Variants in ANAPC5 observed in about 807,000 individuals in gnomAD.
The protein encoded by ANAPC5 is anaphase-promoting complex subunit 5.
In ANAPC5, 60 loss-of-function variants were observed where a neutral mutation model predicts 91.3. That is an observed-to-expected ratio of 0.66 (90% CI 0.53 to 0.81). ANAPC5 has a LOEUF of 0.81. Among genes scored for constraint, ANAPC5 ranks in the 40% least tolerant of loss-of-function variants. The pLI is 0.00. For missense variants in ANAPC5, 690 were observed against 931.5 expected (o/e 0.74, Z 3.37); for synonymous variants, 340 against 364.1 (o/e 0.93, Z 0.75).
chr12:121,317,091 G>A (rs897378631), intron 15 of ANAPC5, among the ~76,000 whole-genome samples: 10 of 152,036 alleles, frequency 6.6e-5, no homozygotes, highest in African/African-American at 2.4e-4. Flanking sequence ...GGGGAAGGGA[G>A]GACTGGGGAA....
At chr12:121,341,302 T>C (rs537686223) in intron 5 of ANAPC5, among the ~76,000 whole-genome samples, 36 of 152,292 alleles carry the variant, frequency 2.4e-4, no homozygotes, top group African/African-American at 8.2e-4. Flanking sequence ...AAACCCCATC[T>C]CTACTAAAGA....
In ANAPC5 at chr12:121,319,765, G is replaced by A; in HGVS notation, c.1569C>T (p.Gly523=). 6.2e-7 allele frequency: 1 copy of A among 1,612,220 alleles called. No individual in the cohort carries two copies. Among genetic ancestry groups the A allele is most frequent in the East Asian group, 2.2e-5 (1 of 44,746 alleles). ...CAAGTGAATCAGCCAAATGATATTT[G>A]CCATCATTCATTGCTCTGTCAAACT... ...KIQFDRAMND[G]KYHLADSLVT... is the part of the protein sequence containing the mutation. The change falls in exon 13 of 17, where the codon GGC becomes GGT. Residue 523 remains glycine (G), a synonymous_variant. Transcript: ENST00000261819.
chr12:121,332,277 G>A (rs1220039602), intron 7 of ANAPC5: 1 of 152,198 alleles, frequency 6.6e-6, no homozygotes. Flanking sequence ...GCTAGTTTTA[G>A]AAAGTATTTT....
chr12:121,337,219 A>AAAAC (rs200840948), intron 6 of ANAPC5, 72 bp downstream of exon 6: 1 of 1,310,572 alleles, frequency 7.6e-7, no homozygotes, highest in Admixed American at 1.8e-5. Context: ...TCTGTTTCCA[A>AAAAC]AAACAAACAA....
At position 121,330,568 on chromosome 12, in the gene ANAPC5, A is replaced by G. The variant is rs1555272774; in HGVS notation, c.1122+15T>C. ...ACCATTTATGGAAACAATCTCACAG[A>G]AAGATGAGCCTTACCGGTAACCCAA... On this transcript the variant is annotated intron_variant, in intron 9 of 16. Coordinates refer to ENST00000261819, the MANE Select transcript of ANAPC5 (RefSeq NM_016237.5). 1 of 1,607,988 alleles carries G rather than the reference A, an allele frequency of 6.2e-7. No individual in the cohort carries two copies. Among genetic ancestry groups the G allele is most frequent in the Admixed American group, 1.7e-5 (1 of 59,000 alleles).
In ANAPC5 at chr12:121,347,623, C is replaced by T. The variant is rs1903721597; in HGVS notation, c.287+179G>A. Reference sequence around the variant, plus strand: ...TCCAGCCTGGGCAACAGAATGAGACCCTGTCTCCAAAGAAAAAGCTATCCA... The same window carrying T: ...TCCAGCCTGGGCAACAGAATGAGACTCTGTCTCCAAAGAAAAAGCTATCCA... On this transcript the variant is annotated intron_variant, in intron 2 of 16. Transcript: ENST00000261819. 4 of 591,376 alleles carry T rather than the reference C, an allele frequency of 6.8e-6. No individual in the cohort carries two copies. The South Asian group carries it at 8.3e-5, about 12-fold the overall frequency. The allele number at this position is 591,376 out of a possible 1,614,324, so 36.6% of individuals were successfully genotyped here. A position where few individuals can be genotyped will look rare whatever the true frequency, so the allele number is the denominator to read the frequency against.
At chr12:121,328,260 G>C in intron 10 of ANAPC5, 56 bp downstream of exon 10, 1 of 1,544,834 alleles carries the variant, frequency 6.5e-7, no homozygotes, top group Non-Finnish European at 8.9e-7. Context: ...GAACCAGCTT[G>C]CTAGCTCCTG....
At chr12:121,323,273 G>C (rs1902689856) in intron 11 of ANAPC5, among the ~76,000 whole-genome samples, 1 of 151,996 alleles carries the variant, frequency 6.6e-6, no homozygotes, top group Non-Finnish European at 1.5e-5. Flanking sequence ...TTTGGGCCAT[G>C]CTTTCTGTGA....
chr12:121,316,492 G>A (rs1902365482), intron 15 of ANAPC5, among the ~76,000 whole-genome samples: 1 of 152,088 alleles, frequency 6.6e-6, no homozygotes, highest in Non-Finnish European at 1.5e-5. Context: ...CCAGCACTTT[G>A]GGAGGCCGAG....
chr12:121,336,310 G>A (rs1903236263), intron 6 of ANAPC5, among the ~76,000 whole-genome samples: 1 of 151,862 alleles, frequency 6.6e-6, no homozygotes, highest in African/African-American at 2.4e-5. Context: ...AATCCATTAA[G>A]GAATGGAATT....
chr12:121,321,740 G>T (rs1902617857), intron 11 of ANAPC5, among the ~76,000 whole-genome samples: 1 of 152,022 alleles, frequency 6.6e-6, no homozygotes, highest in African/African-American at 2.4e-5. Flanking sequence ...GTTTTGCCAT[G>T]TTGGCCAGGC....
At chr12:121,330,508 T>C in intron 9 of ANAPC5, 75 bp downstream of exon 9, 1 of 1,221,258 alleles carries the variant, frequency 8.2e-7, no homozygotes. Context: ...CGCTGGTTAA[T>C]GACAGAGGTG....
At chr12:121,335,376 G>T in intron 7 of ANAPC5, 157 bp downstream of exon 7, 1 of 667,248 alleles carries the variant, frequency 1.5e-6, no homozygotes, top group Non-Finnish European at 2.3e-6. Flanking sequence ...ATTTTGGCCA[G>T]GCTGGTCTTG....
intron 4 of ANAPC5, among the ~76,000 whole-genome samples, chr12:121,344,125 A>G (rs960808953): frequency 2.0e-5 from 3 of 152,198 alleles, no homozygotes; most frequent in Non-Finnish European, 4.4e-5. Context: ...ACATTCTATG[A>G]GTCAGGCACT....
chr12:121,328,664 T>C (rs923860470), intron 9 of ANAPC5, 167 bp from the exon 10 acceptor site: 2 of 599,076 alleles, frequency 3.3e-6, no homozygotes, highest in Non-Finnish European at 5.7e-6. Context: ...ATACGAGATG[T>C]GTTCCTGAAA....
Position 121,327,131 on chromosome 12 carries a change from C to T in ANAPC5, c.1405G>A (p.Ala469Thr), listed in dbSNP as rs1028125388. ...QQNNTESFAVALCHLAELHAE... is the reference protein window; with the variant it reads ...QQNNTESFAVTLCHLAELHAE... ...TGTAGCTCTGCGAGGTGGCAGAGTG[C>T]GACAGCAAAGGACTCTGTGTTGTTC... The change falls in exon 11 of 17, where the codon GCA (alanine) becomes ACA (threonine). Residue 469 changes from alanine to threonine, a missense_variant. Coordinates refer to ENST00000261819, the MANE Select transcript of ANAPC5 (RefSeq NM_016237.5). The T allele has an allele frequency of 3.1e-6, 5 of 1,610,988 alleles. No homozygotes were observed. The highest frequency in any genetic ancestry group is 1.7e-6 in the Non-Finnish European group (2 of 1,179,164).
chr12:121,326,986 G>T, intron 11 of ANAPC5, 110 bp downstream of exon 11: 1 of 1,374,404 alleles, frequency 7.3e-7, no homozygotes, highest in Non-Finnish European at 9.6e-7. Context: ...CAGCCACAGT[G>T]TCGAGCAGAA....
At chr12:121,320,303 G>A in intron 12 of ANAPC5, 82 bp downstream of exon 12, 1 of 1,309,676 alleles carries the variant, frequency 7.6e-7, no homozygotes, top group Non-Finnish European at 1.1e-6. Context: ...TTTTTCTGAG[G>A]GGAGATTATG....
Position 121,337,177 on chromosome 12 carries a change from C to T in ANAPC5, c.759+114G>A, listed in dbSNP as rs536632343. 1.0e-5 allele frequency: 8 copies of T among 773,470 alleles called. No individual in the cohort carries two copies. In the Admixed American group the frequency reaches 1.4e-4, roughly 14 times the overall value. 47.9% of individuals were successfully genotyped at this position (773,470 alleles called of 1,614,324 possible). On this transcript the variant is annotated intron_variant, in intron 6 of 16. Transcript: ENST00000261819. ...AGGTTGCAGTGAGCCAAGGTCGTGC[C>T]ACTGCACTCCAGCCTGGCAACAGAG...
Sources: gnomAD v4.1 joint callset for allele counts (sites outside exome capture counted in the v4.1 genomes callset) on GRCh38, gnomAD v4.1.1 for gene constraint, MANE v1.5 for transcripts, NCBI Gene and HGNC (gene_info 2026-07-23, HGNC 2026-07-21) for gene names.